Variants in PRDX2 observed in about 807,000 individuals in gnomAD.
PRDX2 encodes the protein peroxiredoxin 2.
A neutral mutation model predicts 19.8 loss-of-function variants in PRDX2; 10 were observed. The ratio of observed to expected loss-of-function variants is 0.50; its 90% CI spans 0.31 to 0.86. The LOEUF (loss-of-function observed/expected upper bound fraction) is 0.86, where lower values mean the gene tolerates loss of function less well. PRDX2 is among the 40% of genes least tolerant of loss of function. The pLI, the probability that PRDX2 is intolerant of heterozygous loss-of-function variation, is 0.04. For synonymous variants in PRDX2, 118 were observed against 108.2 expected, an observed-to-expected ratio of 1.09 and a Z score of -0.56; for missense variants, 226 against 260.1, an observed-to-expected ratio of 0.87 and a Z score of 0.90.
chr19:12,800,604 A>T (rs1968874487), intron 3 of PRDX2: 1 of 1,133,888 alleles, frequency 8.8e-7, no homozygotes, highest in Non-Finnish European at 1.2e-6. Flanking sequence ...CATGGGGTAC[A>T]GCCCTTCACT....
intron 5 of PRDX2, among the ~76,000 whole-genome samples, chr19:12,798,868 A>G (rs1380874818): frequency 6.6e-6 from 1 of 151,788 alleles, no homozygotes; most frequent in East Asian, 1.9e-4. Context: ...CTTTAGTCCC[A>G]TCTTTGTCCC....
intron 3 of PRDX2, chr19:12,800,673 A>C: frequency 7.0e-7 from 1 of 1,437,842 alleles, no homozygotes; most frequent in Non-Finnish European, 9.2e-7. Context: ...CCTCCTGGGA[A>C]CTAAGTACAT....
rs530033078 is a variant in PRDX2, at chr19:12,801,768, C to T, written c.-38G>A. 41 of 325,838 alleles carry T rather than the reference C, an allele frequency of 1.3e-4. No homozygotes were observed. Among genetic ancestry groups the T allele is most frequent in the Non-Finnish European group, 2.1e-4 (38 of 179,268 alleles). The allele number at this position is 325,838 out of a possible 1,614,324, so 20.2% of individuals were successfully genotyped here. A position where few individuals can be genotyped will look rare whatever the true frequency, so the allele number is the denominator to read the frequency against. The stretch of plus-strand genomic sequence containing the variant: ...CGTGGGCAAAGGCTAGACGCACGGA[C>T]GATCACACGCGTGGACCCGCGTTCT... On this transcript the variant is annotated 5_prime_UTR_variant, in exon 1 of 6. Transcript: ENST00000301522.
At chr19:12,799,020 T>A (rs984003647) in intron 5 of PRDX2, among the ~76,000 whole-genome samples, 3 of 151,764 alleles carry the variant, frequency 2.0e-5, no homozygotes, top group African/African-American at 7.3e-5. Context: ...TGCCTCAGCC[T>A]CCCAAGTAGC....
chr19:12,797,214 A>G, intron 5 of PRDX2, 48 bp from the exon 6 acceptor site: 1 of 1,550,280 alleles, frequency 6.5e-7, no homozygotes, highest in Non-Finnish European at 8.9e-7. Context: ...CCCCAGGTTC[A>G]AGGTGAAGCA....
chr19:12,797,644 T>TTTTC lies in PRDX2; in HGVS notation c.512-482_512-479dup, dbSNP rs1198956972. Among the ~76,000 whole-genome samples, 559 of 146,098 alleles carry TTTTC rather than the reference T, an allele frequency of 3.8e-3. 2 individuals are homozygous for TTTTC. The highest frequency in any genetic ancestry group is 0.015 in the Middle Eastern group (4 of 274). ...TATTTTCTCTTTTTCTTTTCTTCTT[T>TTTTC]TTTCTTTCTTTCTTTTTTTTTTTTT... On this transcript the variant is annotated intron_variant, in intron 5 of 5. Coordinates refer to ENST00000301522, the MANE Select transcript of PRDX2 (RefSeq NM_005809.6).
chr19:12,801,120 GC>G (rs1322122806), intron 2 of PRDX2, 38 bp downstream of exon 2: 10 of 1,613,850 alleles, frequency 6.2e-6, no homozygotes, highest in East Asian at 2.2e-5. Flanking sequence ...CTCATGCACG[GC>G]CCCGCTTCTA....
chr19:12,800,903 C>T lies in PRDX2; in HGVS notation c.257+13G>A. On this transcript the variant is annotated intron_variant, in intron 3 of 5. Transcript: ENST00000301522. The stretch of plus-strand genomic sequence containing the variant: ...GCTTAGCTGCAACCTCCCTCTTTGG[C>T]CCCTGCTCATACCAAGCCAGGTGGG... The T allele has an allele frequency of 6.2e-7, 1 of 1,600,086 alleles. No homozygotes were observed. Among genetic ancestry groups the T allele is most frequent in the Admixed American group, 1.7e-5 (1 of 57,812 alleles).
At chr19:12,798,645 C>G (rs1235847356) in intron 5 of PRDX2, among the ~76,000 whole-genome samples, 2 of 138,576 alleles carry the variant, frequency 1.4e-5, no homozygotes, top group Non-Finnish European at 1.5e-5. Context: ...GCCACTGCAT[C>G]TGGCCTCTTT....
intron 3 of PRDX2, 148 bp from the exon 4 acceptor site, chr19:12,800,447 T>C (rs1181297896): frequency 3.7e-6 from 4 of 1,072,528 alleles, no homozygotes; most frequent in Admixed American, 5.5e-5. Flanking sequence ...CCACCCTGGG[T>C]TGGGTGCAAG....
At chr19:12,801,639 T>C (rs899287198) in intron 1 of PRDX2, 101 bp downstream of exon 1, 25 of 342,340 alleles carry the variant, frequency 7.3e-5, no homozygotes, top group African/African-American at 4.7e-4. Context: ...AGGAGGCCAC[T>C]ATAGCGGATG....
intron 3 of PRDX2, 37 bp from the exon 4 acceptor site, chr19:12,800,336 G>A (rs1193514571): frequency 1.9e-6 from 3 of 1,596,874 alleles, no homozygotes; most frequent in Non-Finnish European, 8.5e-7. Context: ...GCCTCAGGAT[G>A]CCTGGCACAG....
intron 3 of PRDX2, 132 bp from the exon 4 acceptor site, chr19:12,800,431 C>T: frequency 8.3e-7 from 1 of 1,201,186 alleles, no homozygotes; most frequent in Non-Finnish European, 1.2e-6. Flanking sequence ...GGGAGCCTCA[C>T]CCACCCCACC....
intron 1 of PRDX2, 106 bp downstream of exon 1, chr19:12,801,634 G>C: frequency 2.8e-6 from 1 of 357,772 alleles, no homozygotes; most frequent in Admixed American, 4.4e-5. Context: ...GACAAAGGAG[G>C]CCACTATAGC....
Position 12,801,039 on chromosome 19 carries a change from A to T in PRDX2, c.134T>A (p.Leu45Gln). Residue 45 changes from leucine to glutamine, a missense_variant, in exon 3 of 6, where the codon CTG (leucine) becomes CAG (glutamine). Coordinates refer to ENST00000301522, the MANE Select transcript of PRDX2 (RefSeq NM_005809.6). ...GGTGGGGCACACAAAAGTGAAGTCC[A>T]GAGGGTAGAAAAAGAGGACCACGTA... ...GKYVVLFFYPLDFTFVCPTEI... is the reference protein window; with the variant it reads ...GKYVVLFFYPQDFTFVCPTEI... 6.2e-7 allele frequency: 1 copy of T among 1,611,954 alleles called. No homozygotes were observed. The highest frequency in any genetic ancestry group is 8.5e-7 in the Non-Finnish European group (1 of 1,178,718).
chr19:12,800,082 C>T, intron 4 of PRDX2, 93 bp from the exon 5 acceptor site: 1 of 1,598,326 alleles, frequency 6.3e-7, no homozygotes, highest in Non-Finnish European at 8.5e-7. Flanking sequence ...AGCCACAGGG[C>T]TGGGGGCAGA....
At chr19:12,797,983 G>GT (rs1350120464) in intron 5 of PRDX2, among the ~76,000 whole-genome samples, 1 of 151,972 alleles carries the variant, frequency 6.6e-6, no homozygotes, top group Non-Finnish European at 1.5e-5. Flanking sequence ...TCTAGCTGGT[G>GT]TTTTTCCTAC....
At chr19:12,799,208 G>T (rs139222493) in intron 5 of PRDX2, among the ~76,000 whole-genome samples, 3 of 149,780 alleles carry the variant, frequency 2.0e-5, no homozygotes, top group Non-Finnish European at 4.5e-5. Context: ...CTGTTTGTTT[G>T]TTTTTTTGAG....
intron 5 of PRDX2, among the ~76,000 whole-genome samples, chr19:12,798,438 G>A (rs926112526): frequency 9.3e-5 from 14 of 150,734 alleles, no homozygotes; most frequent in South Asian, 2.1e-4. Context: ...TGCAACCTCC[G>A]CCTCTCAGCT....
Sources: gnomAD v4.1 joint callset for allele counts (sites outside exome capture counted in the v4.1 genomes callset) on GRCh38, gnomAD v4.1.1 for gene constraint, MANE v1.5 for transcripts, NCBI Gene and HGNC (gene_info 2026-07-23, HGNC 2026-07-21) for gene names.